DMXL2: variants seen among roughly 807,000 people sequenced by gnomAD.
The protein encoded by DMXL2 is dmX-like protein 2.
Under a neutral mutation model 331.1 loss-of-function variants are expected in DMXL2, and 103 were observed. The ratio of observed to expected loss-of-function variants is 0.31; its 90% confidence interval spans 0.27 to 0.37. The LOEUF is 0.37. Ranked by LOEUF, DMXL2 falls within the 10% of genes least tolerant of loss-of-function variation. DMXL2 has a pLI of 1.00. For synonymous variants in DMXL2, 1,281 were observed against 1,252.1 expected (o/e 1.02, Z -0.49); for missense variants, 3,171 against 3,642.9 (o/e 0.87, Z 3.33).
chr15:51,481,881 A>G (rs1287245613), intron 23 of DMXL2, among the ~76,000 whole-genome samples: 2 of 152,202 alleles, frequency 1.3e-5, no homozygotes, highest in Non-Finnish European at 2.9e-5. Flanking sequence ...CAGAAAGTAC[A>G]TGTAGTAAGC....
At chr15:51,522,600 T>G (rs2140745878) in intron 13 of DMXL2, among the ~76,000 whole-genome samples, 1 of 152,288 alleles carries the variant, frequency 6.6e-6, no homozygotes, top group East Asian at 1.9e-4. Flanking sequence ...GCTGATATCA[T>G]GCCACTGCAC....
intron 1 of DMXL2, among the ~76,000 whole-genome samples, chr15:51,577,985 A>G (rs1045180266): frequency 2.0e-5 from 3 of 152,208 alleles, no homozygotes; most frequent in Non-Finnish European, 4.4e-5. Context: ...TGAGAACACT[A>G]AAGTGCAAGA....
chr15:51,510,964 T>C (rs559349578), intron 15 of DMXL2, among the ~76,000 whole-genome samples: 7 of 152,296 alleles, frequency 4.6e-5, no homozygotes, highest in Admixed American at 2.0e-4. Context: ...ATTTAACAAA[T>C]GGTGCTAGGA....
In DMXL2 at chr15:51,507,100, T is replaced by C. The variant is rs758136202; in HGVS notation, c.2764+34A>G. On this transcript the variant is annotated intron_variant, in intron 16 of 43. Coordinates refer to ENST00000560891, the MANE Select transcript of DMXL2 (RefSeq NM_001378457.1). The stretch of plus-strand genomic sequence containing the variant: ...CATATTCTATAAAATAAATTTGTTA[T>C]GTATCATCTCTGTATAAAACTATAA... 8 of 1,458,750 alleles carry C rather than the reference T, an allele frequency of 5.5e-6. No individual in the cohort carries two copies. In the Admixed American group the frequency reaches 1.1e-4, roughly 20 times the overall value. 90.4% of individuals were successfully genotyped at this position (1,458,750 alleles called of 1,614,324 possible).
chr15:51,617,527 A>ATACT (rs2054363349), intron 1 of DMXL2, among the ~76,000 whole-genome samples: 1 of 152,204 alleles, frequency 6.6e-6, no homozygotes, highest in Non-Finnish European at 1.5e-5. Flanking sequence ...AATCTTGTAA[A>ATACT]TACAAGTGAG....
intron 13 of DMXL2, among the ~76,000 whole-genome samples, chr15:51,520,000 A>C (rs967330429): frequency 1.1e-4 from 16 of 152,310 alleles, no homozygotes; most frequent in African/African-American, 3.8e-4. Flanking sequence ...TTGAGAAAGC[A>C]GAGCAAAATC....
chr15:51,615,511 C>T (rs2054235652), intron 1 of DMXL2, among the ~76,000 whole-genome samples: 1 of 152,182 alleles, frequency 6.6e-6, no homozygotes. Flanking sequence ...CTGGCCTCTC[C>T]TCACTAGTTG....
chr15:51,449,098 C>T lies in DMXL2; in HGVS notation c.9063G>A (p.Gln3021=), dbSNP rs1316539034. Residue 3021 remains glutamine, a synonymous_variant, in exon 44 of 44, where the codon CAG becomes CAA. Coordinates refer to ENST00000560891, the MANE Select transcript of DMXL2 (RefSeq NM_001378457.1). The part of the protein sequence containing the change: ...IFRNIGAGVM[Q]IDIIQGNRLF... ...GCCGATTGCCCTGGATGATGTCAAT[C>T]TGCATGACTCCAGCCCCAATGTTTC... The T allele has an allele frequency of 1.2e-6, 2 of 1,614,226 alleles. No individual in the cohort carries two copies. Among genetic ancestry groups the T allele is most frequent in the Non-Finnish European group, 1.7e-6 (2 of 1,180,040 alleles).
At position 51,564,178 on chromosome 15, in the gene DMXL2, A is replaced by G; in HGVS notation, c.447T>C (p.Ile149=). 6.2e-7 allele frequency: 1 copy of G among 1,607,178 alleles called. No individual in the cohort carries two copies. The highest frequency in any genetic ancestry group is 1.1e-5 in the South Asian group (1 of 89,758). Residue 149 remains isoleucine, a synonymous_variant, in exon 5 of 44, where the codon ATT becomes ATC. Coordinates refer to ENST00000560891, the MANE Select transcript of DMXL2 (RefSeq NM_001378457.1). ...TTAAAACAGGAGGAACTGTATTATC[A>G]ATTTCTTCCTCCTCTTCCAGAATAT... The part of the protein sequence containing the change: ...GDDILEEEEE[I]DNTVPPVLND...
intron 36 of DMXL2, 21 bp downstream of exon 36, chr15:51,458,485 A>G (rs1194126867): frequency 6.2e-7 from 1 of 1,610,368 alleles, no homozygotes; most frequent in Non-Finnish European, 8.5e-7. Flanking sequence ...AACTATATGT[A>G]AAAGTGACTA....
intron 9 of DMXL2, among the ~76,000 whole-genome samples, chr15:51,539,010 G>C (rs1045842016): frequency 6.6e-6 from 1 of 151,954 alleles, no homozygotes; most frequent in African/African-American, 2.4e-5. Context: ...AGGAGATCGA[G>C]ACCAGCCTGG....
intron 7 of DMXL2, 151 bp from the exon 8 acceptor site, chr15:51,545,917 T>C: frequency 1.7e-6 from 1 of 582,510 alleles, no homozygotes; most frequent in Non-Finnish European, 2.9e-6. Context: ...ATATATAGCA[T>C]CACTGTGAAC....
intron 13 of DMXL2, among the ~76,000 whole-genome samples, chr15:51,529,277 T>C (rs1038997826): frequency 4.6e-5 from 7 of 151,882 alleles, no homozygotes; most frequent in African/African-American, 9.7e-5. Flanking sequence ...ATAAATTAAA[T>C]TGAAACAAAG....
At chr15:51,486,882 G>A (rs1199770775) in intron 22 of DMXL2, among the ~76,000 whole-genome samples, 3 of 151,680 alleles carry the variant, frequency 2.0e-5, no homozygotes, top group African/African-American at 7.3e-5. Flanking sequence ...TATCTTCTAA[G>A]CTAAACTTCC....
At chr15:51,538,508 C>T (rs1747255231) in intron 9 of DMXL2, 56 bp from the exon 10 acceptor site, 18 of 1,354,476 alleles carry the variant, frequency 1.3e-5, no homozygotes, top group South Asian at 4.6e-5. Flanking sequence ...AAAAACATGA[C>T]AAGTGCTTAC....
intron 15 of DMXL2, among the ~76,000 whole-genome samples, chr15:51,509,173 AAGTAGTCAG>A: frequency 6.6e-6 from 1 of 152,224 alleles, no homozygotes; most frequent in East Asian, 1.9e-4. Context: ...CATCACAAGT[AAGTAGTCAG>A]AGAAACTTCT....
In DMXL2 at chr15:51,601,290, C is replaced by CAAAAAAAA. The variant is rs200188441; in HGVS notation, c.87+21161_87+21168dup. ...TGGGTGACAAAGCAAGACTCCATCT[C>CAAAAAAAA]AAAAAAAAAAAAAAAAATTTGATGT... On this transcript the variant is annotated intron_variant, in intron 1 of 43. Transcript: ENST00000560891. Among the ~76,000 whole-genome samples, 107 of 96,594 alleles carry CAAAAAAAA rather than the reference C, an allele frequency of 1.1e-3. 10 individuals are homozygous for CAAAAAAAA. The highest frequency in any genetic ancestry group is 2.2e-3 in the African/African-American group (56 of 25,080). The allele number at this position is 96,594 out of a possible 152,430, so 63.4% of individuals were successfully genotyped here. A position where few individuals can be genotyped will look rare whatever the true frequency, so the allele number is the denominator to read the frequency against.
In DMXL2 at chr15:51,450,361, C is replaced by T. The variant is rs756530390; in HGVS notation, c.8750-15G>A. ...GCACGTGAAACCTGAAGAAGAAAAACATCAGAGAATTTCTCAAAACAATTT... is the reference window on the plus strand; with the variant it reads ...GCACGTGAAACCTGAAGAAGAAAAATATCAGAGAATTTCTCAAAACAATTT... On this transcript the variant is annotated splice_polypyrimidine_tract_variant and intron_variant, in intron 42 of 43. Transcript: ENST00000560891. 6.2e-7 allele frequency: 1 copy of T among 1,612,686 alleles called. No individual in the cohort carries two copies.
At chr15:51,583,106 C>CTTTTTTTTTTTTT (rs57226377) in intron 1 of DMXL2, among the ~76,000 whole-genome samples, 3 of 87,178 alleles carry the variant, frequency 3.4e-5, no homozygotes, top group Non-Finnish European at 4.9e-5. Context: ...CTTCATTCTT[C>CTTTTTTTTTTTTT]TTTTTTTTTT....
Sources: gnomAD v4.1 joint callset for allele counts (sites outside exome capture counted in the v4.1 genomes callset) on GRCh38, gnomAD v4.1.1 for gene constraint, MANE v1.5 for transcripts, NCBI Gene and HGNC (gene_info 2026-07-23, HGNC 2026-07-21) for gene names.